Variants in C6 observed in about 807,000 individuals in gnomAD.
C6 encodes the protein complement component C6.
A neutral mutation model predicts 112.9 loss-of-function variants in C6; 101 were observed. That is an observed-to-expected ratio of 0.89 (90% confidence interval 0.76 to 1.06). The LOEUF is 1.06. Among genes scored for constraint, C6 ranks in the 50% least tolerant of loss-of-function variants. The pLI is 0.00. For synonymous variants in C6, 431 were observed against 384.1 expected (o/e 1.12, Z -1.43); for missense variants, 1,202 against 1,104.6 (o/e 1.09, Z -1.25).
At chr5:41,146,357 C>T (rs189239731) in intron 17 of C6, among the ~76,000 whole-genome samples, 1 of 152,190 alleles carries the variant, frequency 6.6e-6, no homozygotes, top group Non-Finnish European at 1.5e-5. Context: ...AAAAGAGTAG[C>T]TAAGAGCACA....
chr5:41,248,248 T>C (rs1311959093), intron 1 of C6, among the ~76,000 whole-genome samples: 1 of 152,202 alleles, frequency 6.6e-6, no homozygotes, highest in Middle Eastern at 3.2e-3. Context: ...AATACCATTC[T>C]GGACCTCAGC....
intron 17 of C6, 25 bp from the exon 18 acceptor site, chr5:41,143,031 T>C (rs1745493661): frequency 7.5e-6 from 12 of 1,601,414 alleles, no homozygotes; most frequent in Non-Finnish European, 1.0e-5. Context: ...AGAGAGACAG[T>C]GTGACTTACC....
chr5:41,186,007 A>T, intron 6 of C6, 63 bp downstream of exon 6: 3 of 1,591,330 alleles, frequency 1.9e-6, no homozygotes, highest in Non-Finnish European at 2.6e-6. Flanking sequence ...CTAATTTTGC[A>T]TGAGAAATTT....
At chr5:41,158,971 T>C in intron 12 of C6, 111 bp downstream of exon 12, 1 of 1,363,662 alleles carries the variant, frequency 7.3e-7, no homozygotes, top group Non-Finnish European at 1.0e-6. Context: ...TTGGCATAGG[T>C]AAAGTTCTAA....
At chr5:41,158,966 A>G (rs1304520054) in intron 12 of C6, 116 bp downstream of exon 12, 18 of 1,314,680 alleles carry the variant, frequency 1.4e-5, no homozygotes, top group South Asian at 1.2e-5. Flanking sequence ...CTGTGTTGGC[A>G]TAGGTAAAGT....
At chr5:41,195,668 A>G in intron 5 of C6, 124 bp downstream of exon 5, 1 of 1,005,500 alleles carries the variant, frequency 9.9e-7, no homozygotes, top group Non-Finnish European at 1.6e-6. Flanking sequence ...AGTATCAGAG[A>G]TAGGGCTGGT....
intron 9 of C6, among the ~76,000 whole-genome samples, chr5:41,162,764 A>C (rs1427853857): frequency 6.6e-6 from 1 of 152,202 alleles, no homozygotes; most frequent in East Asian, 1.9e-4. Flanking sequence ...AAATGGATGC[A>C]ACTGTCTTCC....
At position 41,152,005 on chromosome 5, in the gene C6, G is replaced by C. The variant is rs145431759; in HGVS notation, c.2290+1805C>G. On this transcript the variant is annotated intron_variant, in intron 15 of 17. Coordinates refer to ENST00000337836, the MANE Select transcript of C6 (RefSeq NM_000065.5). Reference sequence around the variant, plus strand: ...GCATTCTAGGCACTAGGACATTATGGTGGGAAAAAAAAAAGAAAGGAAGGA... The same window carrying C: ...GCATTCTAGGCACTAGGACATTATGCTGGGAAAAAAAAAAGAAAGGAAGGA... 1.4e-3 allele frequency among the ~76,000 whole-genome samples: 212 copies of C among 151,316 alleles called. 5 individuals carry two copies. In the East Asian group the frequency reaches 0.037, roughly 26 times the overall value.
At chr5:41,218,099 A>G (rs939816372), upstream of C6, among the ~76,000 whole-genome samples, 5 of 152,148 alleles carry the variant, frequency 3.3e-5, no homozygotes, top group African/African-American at 1.2e-4. Context: ...TTATGCTGGG[A>G]CTTAAGATAC....
intron 6 of C6, among the ~76,000 whole-genome samples, chr5:41,184,140 G>GA (rs71278697): frequency 0.33 from 48,944 of 147,014 alleles, 8,165 homozygotes; most frequent in Non-Finnish European, 0.4. Flanking sequence ...AGTTGAAAAA[G>GA]AAAAAAAAAA....
intron 9 of C6, among the ~76,000 whole-genome samples, chr5:41,163,598 A>G (rs1313135512): frequency 1.3e-5 from 2 of 152,238 alleles, no homozygotes; most frequent in East Asian, 3.9e-4. Flanking sequence ...GGTGTGAGCC[A>G]CTGCGCCCAG....
chr5:41,168,603 T>C (rs1485918522), intron 9 of C6, among the ~76,000 whole-genome samples: 3 of 152,178 alleles, frequency 2.0e-5, no homozygotes, highest in Non-Finnish European at 4.4e-5. Context: ...TGACTTCTTT[T>C]GTTTTCTAAT....
At chr5:41,224,503 T>C (rs537657158) in intron 1 of C6, among the ~76,000 whole-genome samples, 3 of 152,290 alleles carry the variant, frequency 2.0e-5, no homozygotes, top group African/African-American at 7.2e-5. Context: ...AATAATATAA[T>C]ACGTCGTCTT....
At chr5:41,196,320 GACAC>G (rs538505165) in intron 4 of C6, among the ~76,000 whole-genome samples, 1 of 151,758 alleles carries the variant, frequency 6.6e-6, no homozygotes, top group Non-Finnish European at 1.5e-5. Context: ...TAACTTTATA[GACAC>G]ACACACAGAT....
chr5:41,175,512 T>C (rs1748764679), intron 8 of C6, among the ~76,000 whole-genome samples: 1 of 152,178 alleles, frequency 6.6e-6, no homozygotes, highest in African/African-American at 2.4e-5. Flanking sequence ...TGTGAGAAGG[T>C]TTCCGTAGGA....
chr5:41,255,742 T>G (rs1220932540), intron 1 of C6, among the ~76,000 whole-genome samples: 1 of 152,204 alleles, frequency 6.6e-6, no homozygotes, highest in Non-Finnish European at 1.5e-5. Flanking sequence ...AATTGGCAGT[T>G]CCAATTCTTA....
intron 1 of C6, among the ~76,000 whole-genome samples, chr5:41,230,826 T>C (rs552878396): frequency 6.6e-6 from 1 of 152,282 alleles, no homozygotes; most frequent in African/African-American, 2.4e-5. Flanking sequence ...CTTTGTATGC[T>C]TTCTCTTTAT....
intron 1 of C6, chr5:41,203,713 A>G (rs1751210032): frequency 1.1e-5 from 2 of 187,098 alleles, no homozygotes; most frequent in Admixed American, 1.1e-4. Context: ...ACATGCTGGA[A>G]ACCTGCTAAA....
chr5:41,223,149 G>A (rs913732801), intron 1 of C6, among the ~76,000 whole-genome samples: 4 of 152,036 alleles, frequency 2.6e-5, no homozygotes, highest in African/African-American at 4.8e-5. Context: ...GGTTTCTATG[G>A]TTTCTCCTAT....
Sources: allele counts gnomAD v4.1 joint callset (sites outside exome capture counted in the v4.1 genomes callset), GRCh38; gene constraint gnomAD v4.1.1; transcripts MANE v1.5; gene names NCBI Gene and HGNC (gene_info 2026-07-23, HGNC 2026-07-21).